SCN1A: variants seen among roughly 807,000 people sequenced by gnomAD.
The protein encoded by SCN1A is sodium channel protein type 1 subunit alpha.
In SCN1A, 13 loss-of-function variants were observed where a neutral mutation model predicts 193.7. The observed-to-expected ratio is 0.07, with a 90% CI of 0.04 to 0.11. SCN1A has a LOEUF of 0.11. Ranked by LOEUF, SCN1A falls within the 10% of genes least tolerant of loss-of-function variation. The pLI, the probability that SCN1A is intolerant of heterozygous loss-of-function variation, is 1.00. For missense variants in SCN1A, 1,432 were observed against 2,451.1 expected, an observed-to-expected ratio of 0.58 and a Z score of 8.78; for synonymous variants, 781 against 843.6, an observed-to-expected ratio of 0.93 and a Z score of 1.29.
intron 1 of SCN1A, among the ~76,000 whole-genome samples, chr2:166,148,040 A>C (rs1451719924): frequency 6.6e-6 from 1 of 152,220 alleles, no homozygotes; most frequent in African/African-American, 2.4e-5. Context: ...GCTCTTTGAG[A>C]TCACGTAGAC....
At chr2:166,051,062 C>T (rs1378114684) in intron 9 of SCN1A, among the ~76,000 whole-genome samples, 6 of 151,922 alleles carry the variant, frequency 3.9e-5, no homozygotes, top group Non-Finnish European at 8.8e-5. Context: ...AGGGCATTCA[C>T]ATATTTTATC....
At chr2:166,043,308 T>G (rs959393855) in intron 14 of SCN1A, among the ~76,000 whole-genome samples, 2 of 152,210 alleles carry the variant, frequency 1.3e-5, no homozygotes, top group African/African-American at 4.8e-5. Context: ...TGGAAAGATT[T>G]ATTACATACC....
At chr2:166,047,840 T>C (rs1698039895) in intron 10 of SCN1A, 72 bp from the exon 11 acceptor site, 1 of 1,580,056 alleles carries the variant, frequency 6.3e-7, no homozygotes, top group Non-Finnish European at 8.7e-7. Context: ...TGCTATGATA[T>C]TGCCTAGTCA....
intron 24 of SCN1A, among the ~76,000 whole-genome samples, chr2:166,002,162 A>G (rs187125086): frequency 6.6e-6 from 1 of 151,654 alleles, no homozygotes; most frequent in East Asian, 1.9e-4. Context: ...AATCACAATA[A>G]AAAATGGCAA....
Position 166,073,605 on chromosome 2 carries a change from A to C in SCN1A, c.17T>G (p.Leu6Arg), listed in dbSNP as rs1684709117. 6.2e-7 allele frequency: 1 copy of C among 1,614,112 alleles called. No individual in the cohort carries two copies. Among genetic ancestry groups the C allele is most frequent in the Non-Finnish European group, 8.5e-7 (1 of 1,180,042 alleles). Residue 6 changes from leucine (L) to arginine (R), a missense_variant, in exon 4 of 29, where the codon CTT (leucine) becomes CGT (arginine). Leu to Arg is a moderately radical substitution (Grantham distance 102, BLOSUM62 -2). Coordinates refer to ENST00000674923, the MANE Select transcript of SCN1A (RefSeq NM_001165963.4). Reference sequence around the variant, plus strand: ...GAAGCTGTCAGGTCCTGGTGGTACAAGCACTGTTTGCTCCATCTTGTCATC... The same window carrying C: ...GAAGCTGTCAGGTCCTGGTGGTACACGCACTGTTTGCTCCATCTTGTCATC... Reference protein sequence around the residue: MEQTVLVPPGPDSFNF... With the variant: MEQTVRVPPGPDSFNF...
chr2:166,109,782 C>T (rs542685159), intron 2 of SCN1A, among the ~76,000 whole-genome samples: 4 of 152,176 alleles, frequency 2.6e-5, no homozygotes, highest in Admixed American at 2.0e-4. Context: ...ATGCTGTTCC[C>T]GTCTCTCTTC....
chr2:165,993,055 A>ATTTTCAGC (rs1214025543), intron 28 of SCN1A: 1 of 151,914 alleles, frequency 6.6e-6, no homozygotes, highest in African/African-American at 2.4e-5. Context: ...CAGTCTTCTT[A>ATTTTCAGC]TTTTCAGCTT....
At chr2:166,064,243 C>T (rs1683608982) in intron 4 of SCN1A, among the ~76,000 whole-genome samples, 1 of 152,118 alleles carries the variant, frequency 6.6e-6, no homozygotes, top group African/African-American at 2.4e-5. Context: ...ACTCAGTTAT[C>T]TCACTTGAAA....
chr2:166,102,287 G>A (rs1316976172), intron 2 of SCN1A, among the ~76,000 whole-genome samples: 1 of 152,026 alleles, frequency 6.6e-6, no homozygotes, highest in Non-Finnish European at 1.5e-5. Flanking sequence ...ACGAGGTCAG[G>A]ATATCGAGAC....
intron 19 of SCN1A, among the ~76,000 whole-genome samples, chr2:166,026,873 T>C (rs1444636051): frequency 4.6e-5 from 7 of 151,762 alleles, no homozygotes; most frequent in Non-Finnish European, 7.4e-5. Flanking sequence ...TTAGTAGAGA[T>C]GGGGTTTCAC....
chr2:166,092,989 C>G (rs1686979260), intron 2 of SCN1A, among the ~76,000 whole-genome samples: 1 of 151,972 alleles, frequency 6.6e-6, no homozygotes, highest in South Asian at 2.1e-4. Flanking sequence ...ATGGCCACAG[C>G]TTGGTAGGTT....
chr2:166,015,486 G>A (rs1693149248), intron 20 of SCN1A, 121 bp downstream of exon 20: 3 of 1,184,824 alleles, frequency 2.5e-6, no homozygotes, highest in Admixed American at 3.5e-5. Flanking sequence ...ACATATTAGA[G>A]GTGATTGAAT....
At chr2:165,984,910 T>C (rs1688512248), downstream of SCN1A, 1 of 152,180 alleles carries the variant, frequency 6.6e-6, no homozygotes, top group Non-Finnish European at 1.5e-5. Context: ...CCAAAGTGTT[T>C]ATATCAACAA....
At chr2:166,084,477 A>G (rs973674151) in intron 2 of SCN1A, among the ~76,000 whole-genome samples, 2 of 152,132 alleles carry the variant, frequency 1.3e-5, no homozygotes. Context: ...TTATGTAGCT[A>G]TAAGTAGCAG....
intron 2 of SCN1A, among the ~76,000 whole-genome samples, chr2:166,102,868 A>G (rs1355673073): frequency 1.3e-5 from 2 of 152,252 alleles, no homozygotes; most frequent in Non-Finnish European, 2.9e-5. Context: ...TTACACAGCC[A>G]TAAATAAGAA....
chr2:166,001,975 T>C (rs1020961887), intron 24 of SCN1A, among the ~76,000 whole-genome samples: 1 of 150,074 alleles, frequency 6.7e-6, no homozygotes, highest in Non-Finnish European at 1.5e-5. Context: ...CTGGTTCTAA[T>C]TCTAAAACCT....
intron 2 of SCN1A, among the ~76,000 whole-genome samples, chr2:166,105,882 G>A (rs1419934090): frequency 6.6e-6 from 1 of 152,146 alleles, no homozygotes; most frequent in Non-Finnish European, 1.5e-5. Context: ...ATCAGTCTGG[G>A]ACACAATCAA....
chr2:166,082,187 C>A (rs1359358722), intron 2 of SCN1A, among the ~76,000 whole-genome samples: 1 of 151,916 alleles, frequency 6.6e-6, no homozygotes, highest in African/African-American at 2.4e-5. Context: ...CTATTCCTCT[C>A]ATTTAATAGA....
intron 23 of SCN1A, among the ~76,000 whole-genome samples, chr2:166,009,048 T>A (rs1437783449): frequency 6.6e-6 from 1 of 151,012 alleles, no homozygotes; most frequent in Non-Finnish European, 1.5e-5. Flanking sequence ...CAAGTTAAGG[T>A]TAATGTATAA....
Sources: gnomAD v4.1 joint callset for allele counts (sites outside exome capture counted in the v4.1 genomes callset) on GRCh38, gnomAD v4.1.1 for gene constraint, MANE v1.5 for transcripts, NCBI Gene and HGNC (gene_info 2026-07-23, HGNC 2026-07-21) for gene names.